Variants in LRRTM4 observed in about 807,000 individuals in gnomAD.
LRRTM4 encodes the protein leucine rich repeat transmembrane neuronal 4.
In LRRTM4, 25 loss-of-function variants were observed where a neutral mutation model predicts 47.6. The observed-to-expected ratio is 0.53, with a 90% CI of 0.38 to 0.73. The LOEUF (loss-of-function observed/expected upper bound fraction) is 0.73. Ranked by LOEUF, LRRTM4 falls within the 30% of genes least tolerant of loss-of-function variation. The pLI, the probability that LRRTM4 is intolerant of heterozygous loss-of-function variation, is 0.00. For missense variants in LRRTM4, 638 were observed against 713.4 expected (o/e 0.89, Z 1.20); for synonymous variants, 311 against 269.5 (o/e 1.15, Z -1.51).
chr2:77,307,256 A>T (rs546415332), intron 3 of LRRTM4, among the ~76,000 whole-genome samples: 1 of 152,022 alleles, frequency 6.6e-6, no homozygotes, highest in African/African-American at 2.4e-5. Flanking sequence ...AAATATAAAT[A>T]AATTAAAGAC....
At chr2:77,160,528 C>A (rs1395816802) in intron 3 of LRRTM4, among the ~76,000 whole-genome samples, 1 of 151,990 alleles carries the variant, frequency 6.6e-6, no homozygotes, top group Non-Finnish European at 1.5e-5. Flanking sequence ...AAAAGGCAGT[C>A]CTTTACTGAC....
At chr2:77,455,306 T>C (rs1024165499) in intron 3 of LRRTM4, among the ~76,000 whole-genome samples, 2 of 152,236 alleles carry the variant, frequency 1.3e-5, no homozygotes, top group African/African-American at 2.4e-5. Flanking sequence ...TTGGTTTTTA[T>C]ACTAATTTGT....
chr2:77,165,568 C>T (rs1672857494), intron 3 of LRRTM4, among the ~76,000 whole-genome samples: 1 of 152,182 alleles, frequency 6.6e-6, no homozygotes, highest in African/African-American at 2.4e-5. Context: ...CAGTAAAATA[C>T]TGGCAAACTG....
intron 3 of LRRTM4, among the ~76,000 whole-genome samples, chr2:77,206,566 C>A (rs1366781940): frequency 6.6e-6 from 1 of 151,968 alleles, no homozygotes; most frequent in African/African-American, 2.4e-5. Flanking sequence ...CTCACTATAA[C>A]CTCCGCCTCC....
At chr2:76,824,639 G>C (rs919027002) in intron 3 of LRRTM4, among the ~76,000 whole-genome samples, 5 of 148,210 alleles carry the variant, frequency 3.4e-5, no homozygotes, top group Non-Finnish European at 5.9e-5. Flanking sequence ...TGTATTATTT[G>C]TATATATTTG....
rs545159063 is a variant in LRRTM4 at position 76,845,018 on chromosome 2, G to A, written c.1552-96102C>T. ...ATTTTTGTGATGAAAGCAAATCCCT[G>A]CCACAAAAACCTAAAGCTTCCTTTA... On this transcript the variant is annotated intron_variant, in intron 3 of 3. Coordinates refer to ENST00000409884, the MANE Select transcript of LRRTM4 (RefSeq NM_001134745.3). Among the ~76,000 whole-genome samples the A allele has an allele frequency of 3.9e-5, 6 of 152,180 alleles. No homozygotes were observed. In the South Asian group the frequency reaches 1.0e-3, roughly 26 times the overall value.
At chr2:76,811,624 T>C (rs879401325) in intron 3 of LRRTM4, among the ~76,000 whole-genome samples, 1 of 152,212 alleles carries the variant, frequency 6.6e-6, no homozygotes, top group Non-Finnish European at 1.5e-5. Flanking sequence ...AGTGTGTTTA[T>C]GTAAAATGCA....
chr2:77,131,816 T>C (rs188210544), intron 3 of LRRTM4, among the ~76,000 whole-genome samples: 1 of 152,190 alleles, frequency 6.6e-6, no homozygotes, highest in Non-Finnish European at 1.5e-5. Flanking sequence ...TGTGTCTTAC[T>C]CTGTTTGAGC....
chr2:77,483,945 T>G (rs1299186505), intron 3 of LRRTM4, among the ~76,000 whole-genome samples: 1 of 152,236 alleles, frequency 6.6e-6, no homozygotes, highest in Non-Finnish European at 1.5e-5. Context: ...AAACTTCATC[T>G]CAGCATCTCA....
intron 3 of LRRTM4, among the ~76,000 whole-genome samples, chr2:77,049,287 T>G (rs1348465657): frequency 6.6e-6 from 1 of 150,940 alleles, no homozygotes; most frequent in Non-Finnish European, 1.5e-5. Flanking sequence ...ATTTGACATA[T>G]TGATTTCTTT....
At chr2:76,994,414 C>A (rs191963985) in intron 3 of LRRTM4, among the ~76,000 whole-genome samples, 1 of 151,868 alleles carries the variant, frequency 6.6e-6, no homozygotes, top group East Asian at 1.9e-4. Flanking sequence ...CCAAAATGGG[C>A]CCTTTGCATT....
intron 3 of LRRTM4, among the ~76,000 whole-genome samples, chr2:77,201,890 A>C (rs1398639260): frequency 6.6e-6 from 1 of 152,106 alleles, no homozygotes; most frequent in East Asian, 1.9e-4. Context: ...CACTACAGGG[A>C]AGGATGTCAT....
At chr2:77,452,423 G>A (rs901553540) in intron 3 of LRRTM4, among the ~76,000 whole-genome samples, 3 of 152,122 alleles carry the variant, frequency 2.0e-5, no homozygotes, top group Non-Finnish European at 1.5e-5. Flanking sequence ...TCATGAGCTC[G>A]CTTTAATAAC....
At chr2:77,242,521 C>T (rs932032301) in intron 3 of LRRTM4, among the ~76,000 whole-genome samples, 1 of 152,032 alleles carries the variant, frequency 6.6e-6, no homozygotes, top group African/African-American at 2.4e-5. Context: ...ACAGACATTT[C>T]TCTAAAATAC....
At chr2:76,863,364 A>G (rs1286763671) in intron 3 of LRRTM4, among the ~76,000 whole-genome samples, 1 of 152,180 alleles carries the variant, frequency 6.6e-6, no homozygotes, top group East Asian at 1.9e-4. Flanking sequence ...TAATATAATG[A>G]CCCAGACACA....
At chr2:77,168,614 A>G (rs1672956791) in intron 3 of LRRTM4, among the ~76,000 whole-genome samples, 1 of 152,148 alleles carries the variant, frequency 6.6e-6, no homozygotes, top group African/African-American at 2.4e-5. Flanking sequence ...ATTGTTAATT[A>G]TAGTCATTCT....
intron 3 of LRRTM4, among the ~76,000 whole-genome samples, chr2:76,783,568 C>T (rs556473166): frequency 7.2e-5 from 11 of 152,162 alleles, no homozygotes; most frequent in Admixed American, 2.6e-4. Context: ...CCATGGCAAA[C>T]GCCTATTTAG....
intron 3 of LRRTM4, among the ~76,000 whole-genome samples, chr2:76,927,274 T>C (rs893011146): frequency 3.9e-5 from 6 of 152,096 alleles, no homozygotes; most frequent in Non-Finnish European, 8.8e-5. Flanking sequence ...CATTGATGAT[T>C]TGGATTGAGA....
chr2:77,148,471 C>G (rs770096009), intron 3 of LRRTM4, among the ~76,000 whole-genome samples: 4 of 151,994 alleles, frequency 2.6e-5, no homozygotes, highest in Admixed American at 2.0e-4. Context: ...TTGGCATTGC[C>G]CCAAACACAA....
Sources: gnomAD v4.1 joint callset for allele counts (sites outside exome capture counted in the v4.1 genomes callset) on GRCh38, gnomAD v4.1.1 for gene constraint, MANE v1.5 for transcripts, NCBI Gene and HGNC (gene_info 2026-07-23, HGNC 2026-07-21) for gene names.